Variants in RAB19 observed in about 807,000 individuals in gnomAD.
RAB19 encodes the protein RAB19, member RAS oncogene family, also known as ras-related protein Rab-19.
A neutral mutation model predicts 17.3 loss-of-function variants in RAB19; 21 were observed. The observed-to-expected ratio is 1.21, with a 90% CI of 0.86 to 1.74. RAB19 has a LOEUF of 1.74. Ranked by LOEUF, RAB19 falls within the 40% of genes most tolerant of loss-of-function variation. RAB19 has a pLI of 0.00. For missense variants in RAB19, 277 were observed against 286.8 expected (o/e 0.97, Z 0.25); for synonymous variants, 126 against 110.4 (o/e 1.14, Z -0.88).
intron 3 of RAB19, among the ~76,000 whole-genome samples, chr7:140,421,333 A>G (rs1020624894): frequency 2.6e-5 from 4 of 152,094 alleles, no homozygotes; most frequent in Non-Finnish European, 5.9e-5. Context: ...CTGGGACGAC[A>G]GGCACATTCC....
intron 3 of RAB19, among the ~76,000 whole-genome samples, chr7:140,423,484 T>C (rs1436225554): frequency 6.7e-6 from 1 of 149,946 alleles, no homozygotes; most frequent in Non-Finnish European, 1.5e-5. Flanking sequence ...TACTATGGAA[T>C]ACTACTCAGC....
chr7:140,423,083 G>A (rs1419785954), intron 3 of RAB19, among the ~76,000 whole-genome samples: 3 of 152,180 alleles, frequency 2.0e-5, no homozygotes, highest in African/African-American at 4.8e-5. Flanking sequence ...ACTCCAGCCT[G>A]GGCGACAGAG....
intron 3 of RAB19, among the ~76,000 whole-genome samples, chr7:140,421,131 T>A (rs2130152662): frequency 6.6e-6 from 1 of 152,180 alleles, no homozygotes; most frequent in South Asian, 2.1e-4. Context: ...GACCTCATGA[T>A]CCACCCGCCT....
chr7:140,420,281 C>T (rs576494414), intron 3 of RAB19, among the ~76,000 whole-genome samples: 48 of 151,984 alleles, frequency 3.2e-4, no homozygotes, highest in African/African-American at 1.1e-3. Flanking sequence ...AATAGCTGGG[C>T]GTGGTGGTGG....
intron 3 of RAB19, among the ~76,000 whole-genome samples, chr7:140,421,703 T>C (rs1034628002): frequency 6.6e-6 from 1 of 152,116 alleles, no homozygotes; most frequent in African/African-American, 2.4e-5. Flanking sequence ...TCTTGCTGTA[T>C]TGCCCAGGCT....
chr7:140,408,883 T>C (rs921698962), intron 2 of RAB19, among the ~76,000 whole-genome samples: 1 of 152,032 alleles, frequency 6.6e-6, no homozygotes, highest in Non-Finnish European at 1.5e-5. Flanking sequence ...CTCAGCCTCC[T>C]GAATAGCTGG....
chr7:140,417,191 G>A (rs566041011), intron 3 of RAB19, among the ~76,000 whole-genome samples: 8 of 146,946 alleles, frequency 5.4e-5, no homozygotes, highest in South Asian at 2.2e-4. Flanking sequence ...AGCCGAGATC[G>A]CACCACTGCA....
At chr7:140,420,935 C>T (rs1188043071) in intron 3 of RAB19, among the ~76,000 whole-genome samples, 2 of 151,972 alleles carry the variant, frequency 1.3e-5, no homozygotes, top group African/African-American at 4.8e-5. Context: ...CTCTGTCGCC[C>T]AGGTTGGAGT....
intron 3 of RAB19, among the ~76,000 whole-genome samples, chr7:140,412,263 G>A (rs1388784372): frequency 4.6e-5 from 7 of 151,928 alleles, no homozygotes; most frequent in African/African-American, 7.3e-5. Context: ...CATCCTGGCT[G>A]ACACGGTGAA....
intron 1 of RAB19, among the ~76,000 whole-genome samples, chr7:140,407,294 T>C (rs987880999): frequency 2.0e-5 from 3 of 152,146 alleles, no homozygotes; most frequent in African/African-American, 7.2e-5. Flanking sequence ...CCTCTGCCAT[T>C]CTCCTGCTCT....
intron 2 of RAB19, among the ~76,000 whole-genome samples, 197 bp downstream of exon 2, chr7:140,408,044 ATT>A: frequency 7.0e-6 from 1 of 142,392 alleles, no homozygotes; most frequent in Non-Finnish European, 1.5e-5. Flanking sequence ...CGCCCGGCAA[ATT>A]TTTTTTTTTT....
intron 3 of RAB19, among the ~76,000 whole-genome samples, chr7:140,422,015 A>AT (rs1799571019): frequency 1.3e-5 from 2 of 152,190 alleles, no homozygotes; most frequent in South Asian, 2.1e-4. Context: ...CCTGTAATTG[A>AT]TTTTTTGTGT....
At chr7:140,424,691 C>CTATA (rs10638905) in intron 3 of RAB19, among the ~76,000 whole-genome samples, 1 of 139,362 alleles carries the variant, frequency 7.2e-6, no homozygotes, top group Non-Finnish European at 1.5e-5. Context: ...ATACACATAT[C>CTATA]TATATATACA....
At chr7:140,404,376 T>A (rs532635108) in intron 1 of RAB19, 159 bp downstream of exon 1, 1 of 152,110 alleles carries the variant, frequency 6.6e-6, no homozygotes, top group African/African-American at 2.4e-5. Flanking sequence ...GGGGGAGACA[T>A]GGAAGTAAAG....
chr7:140,417,235 CAA>C (rs36052693), intron 3 of RAB19, among the ~76,000 whole-genome samples: 9 of 116,664 alleles, frequency 7.7e-5, no homozygotes, highest in Admixed American at 2.8e-4. Context: ...GACTCTGTCT[CAA>C]AAAAAAAAAA....
chr7:140,407,919 G>C (rs1326108855), intron 2 of RAB19, 72 bp downstream of exon 2: 1 of 1,119,084 alleles, frequency 8.9e-7, no homozygotes, highest in East Asian at 2.7e-5. Flanking sequence ...TTGAGACGGA[G>C]TCTCGCGCGA....
At chr7:140,425,417 GAA>G (rs781392477) in intron 3 of RAB19, among the ~76,000 whole-genome samples, 1 of 152,024 alleles carries the variant, frequency 6.6e-6, no homozygotes, top group African/African-American at 2.4e-5. Flanking sequence ...TTGAGGGGGA[GAA>G]AAAGAGAGTA....
intron 2 of RAB19, among the ~76,000 whole-genome samples, chr7:140,409,687 G>C (rs1799315019): frequency 6.6e-6 from 1 of 151,232 alleles, no homozygotes; most frequent in Non-Finnish European, 1.5e-5. Context: ...GTCAGAGCAA[G>C]ACTCTGTCTC....
At chr7:140,414,369 C>G (rs1260131544) in intron 3 of RAB19, among the ~76,000 whole-genome samples, 5 of 152,132 alleles carry the variant, frequency 3.3e-5, no homozygotes, top group African/African-American at 1.2e-4. Flanking sequence ...AAGGCAGCGA[C>G]CTGTCTCCAG....
Sources: gnomAD v4.1 joint callset for allele counts (sites outside exome capture counted in the v4.1 genomes callset) on GRCh38, gnomAD v4.1.1 for gene constraint, MANE v1.5 for transcripts, NCBI Gene and HGNC (gene_info 2026-07-23, HGNC 2026-07-21) for gene names.